STRA6: variants seen among roughly 807,000 people sequenced by gnomAD.
STRA6 encodes the protein signaling receptor and transporter of retinol STRA6, also known as receptor for retinol uptake STRA6.
Under a neutral mutation model 83.6 loss-of-function variants are expected in STRA6, and 48 were observed. The observed-to-expected ratio is 0.57, with a 90% confidence interval of 0.46 to 0.73. The LOEUF is 0.73. STRA6 is among the 30% of genes least tolerant of loss of function. The pLI, the probability that STRA6 is intolerant of heterozygous loss-of-function variation, is 0.00. For missense variants in STRA6, 760 were observed against 838.8 expected (o/e 0.91, Z 1.16); for synonymous variants, 353 against 362.3 (o/e 0.97, Z 0.29).
At chr15:74,192,414 G>A (rs1000556315) in intron 8 of STRA6, among the ~76,000 whole-genome samples, 1 of 152,168 alleles carries the variant, frequency 6.6e-6, no homozygotes, top group Non-Finnish European at 1.5e-5. Flanking sequence ...TGCCACGTGG[G>A]AGCCGAGTCT....
chr15:74,210,236 G>A (rs2074348338), upstream of STRA6, among the ~76,000 whole-genome samples: 1 of 152,178 alleles, frequency 6.6e-6, no homozygotes, highest in Non-Finnish European at 1.5e-5. Context: ...CATATATATG[G>A]AGACAAAATT....
At chr15:74,183,615 A>G (rs2073098555) in intron 14 of STRA6, 2 of 1,374,340 alleles carry the variant, frequency 1.5e-6, no homozygotes, top group East Asian at 5.9e-5. Context: ...GGTGGCACCC[A>G]GGGTTCATCT....
At position 74,191,254 on chromosome 15, in the gene STRA6, A is replaced by G. The variant is rs1376821077; in HGVS notation, c.789-11T>C. Reference sequence around the variant, plus strand: ...TTGGAGGTGTGGTAGCTGCAGAAAGACCCAGGCAGGTGCGGGGTCCTCAGG... The same window carrying G: ...TTGGAGGTGTGGTAGCTGCAGAAAGGCCCAGGCAGGTGCGGGGTCCTCAGG... On this transcript the variant is annotated splice_polypyrimidine_tract_variant and intron_variant, in intron 9 of 18. Transcript: ENST00000395105. The G allele has an allele frequency of 1.9e-6, 3 of 1,613,150 alleles. No homozygotes were observed. Among genetic ancestry groups the G allele is most frequent in the Non-Finnish European group, 2.5e-6 (3 of 1,179,928 alleles).
Position 74,195,430 on chromosome 15 carries a change from G to C in STRA6, c.469C>G (p.Leu157Val), listed in dbSNP as rs760868814. ...KILGLFYYAA[L>V]YYPLAACATA... ...GCACAGGCAGCCAGAGGGTAGTAGAGGGCAGCATAATAGAACAGTCCCAGT... is the reference window on the plus strand; with the variant it reads ...GCACAGGCAGCCAGAGGGTAGTAGACGGCAGCATAATAGAACAGTCCCAGT... Residue 157 changes from leucine (L) to valine (V), a missense_variant, in exon 7 of 19, where the codon CTC (leucine) becomes GTC (valine). Physicochemically the swap from Leu to Val is conservative, Grantham distance 32. Coordinates refer to ENST00000395105, the MANE Select transcript of STRA6 (RefSeq NM_022369.4). 5 of 1,613,710 alleles carry C rather than the reference G, an allele frequency of 3.1e-6. No individual in the cohort carries two copies. In the Admixed American group the frequency reaches 5.0e-5, roughly 16 times the overall value.
rs968266795 is a variant in STRA6, at chr15:74,186,669, G to T, written c.1091-1614C>A. ...GCCTGTAATCCCAGCTACTCGGGAG[G>T]CTGAAATGGGAGAATTGCTTGAACC... is the stretch of plus-strand genomic sequence containing the variant. On this transcript the variant is annotated intron_variant, in intron 12 of 18. Transcript: ENST00000395105. Among the ~76,000 whole-genome samples, 137 of 152,316 alleles carry T rather than the reference G, an allele frequency of 9.0e-4. 1 individual carries two copies. Among genetic ancestry groups the T allele is most frequent in the African/African-American group, 3.2e-3 (131 of 41,566 alleles).
At chr15:74,197,596 C>T in intron 3 of STRA6, 156 bp downstream of exon 3, 1 of 1,180,432 alleles carries the variant, frequency 8.5e-7, no homozygotes, top group Non-Finnish European at 1.2e-6. Context: ...GGACTTGCAT[C>T]CTGGTTTGGG....
intron 11 of STRA6, 67 bp downstream of exon 11, chr15:74,190,773 T>C: frequency 6.2e-7 from 1 of 1,611,508 alleles, no homozygotes; most frequent in East Asian, 2.2e-5. Flanking sequence ...GGGCCGGAAC[T>C]GCTCCAGGCT....
intron 3 of STRA6, 88 bp downstream of exon 3, chr15:74,197,664 C>T: frequency 6.5e-7 from 1 of 1,539,048 alleles, no homozygotes; most frequent in Non-Finnish European, 8.9e-7. Context: ...TCCAGGGCCC[C>T]CCTTCACCAG....
upstream of STRA6, among the ~76,000 whole-genome samples, chr15:74,207,066 G>A (rs351223): frequency 0.46 from 70,706 of 152,088 alleles, 16,847 homozygotes; most frequent in South Asian, 0.63. Context: ...GGCCCATGAA[G>A]GCCTTGGGAC....
At chr15:74,191,806 C>A (rs1216170250) in intron 8 of STRA6, 1 of 465,000 alleles carries the variant, frequency 2.2e-6, no homozygotes, top group African/African-American at 2.0e-5. Flanking sequence ...TTCTTCCCAC[C>A]CCTAGCCCTC....
At chr15:74,190,933 C>T (rs918560875) in intron 10 of STRA6, 32 bp from the exon 11 acceptor site, 2 of 1,613,868 alleles carry the variant, frequency 1.2e-6, no homozygotes, top group Non-Finnish European at 8.5e-7. Flanking sequence ...GTATGGTGAA[C>T]AGCACCACTC....
intron 6 of STRA6, 70 bp downstream of exon 6, chr15:74,195,582 A>G: frequency 6.4e-7 from 1 of 1,560,682 alleles, no homozygotes; most frequent in Non-Finnish European, 8.7e-7. Flanking sequence ...CAGCACGTTC[A>G]GTGGGCAAGA....
At chr15:74,205,117 A>G (rs1038928151), upstream of STRA6, among the ~76,000 whole-genome samples, 3 of 152,168 alleles carry the variant, frequency 2.0e-5, no homozygotes. Context: ...GGGGAAGAGA[A>G]GAGAGACGGG....
chr15:74,182,899 A>T lies in STRA6; in HGVS notation c.1301-439T>A, dbSNP rs181369633. The T allele has an allele frequency of 1.4e-3, 325 of 233,704 alleles. 1 individual carries two copies. The highest frequency in any genetic ancestry group is 6.9e-3 in the African/African-American group (307 of 44,374). 14.5% of individuals were successfully genotyped at this position (233,704 alleles called of 1,614,324 possible). ...AATCTGGCCAACTGATTAGAGAATG[A>T]TGTCTACAAAAGGGCCTGGAGGCAT... On this transcript the variant is annotated intron_variant, in intron 14 of 18. Transcript: ENST00000395105.
At chr15:74,196,718 C>A (rs1473089512) in intron 4 of STRA6, among the ~76,000 whole-genome samples, 1 of 152,176 alleles carries the variant, frequency 6.6e-6, no homozygotes, top group Non-Finnish European at 1.5e-5. Context: ...AGGCTGGTTC[C>A]CCACAAAACC....
upstream of STRA6, among the ~76,000 whole-genome samples, chr15:74,204,776 A>G (rs775439978): frequency 2.0e-5 from 3 of 152,164 alleles, no homozygotes; most frequent in Admixed American, 6.5e-5. Flanking sequence ...TCTACTAAAA[A>G]TACAAAAAAT....
chr15:74,205,066 G>T (rs2074230430), upstream of STRA6, among the ~76,000 whole-genome samples: 1 of 152,234 alleles, frequency 6.6e-6, no homozygotes, highest in African/African-American at 2.4e-5. Context: ...CTGATGTATG[G>T]TAGGGCTTAG....
rs766210607 is a variant in STRA6, at chr15:74,182,468, G to C, written c.1301-8C>G. 6.2e-7 allele frequency: 1 copy of C among 1,602,646 alleles called. No homozygotes were observed. Among genetic ancestry groups the C allele is most frequent in the Non-Finnish European group, 8.5e-7 (1 of 1,174,510 alleles). On this transcript the variant is annotated splice_polypyrimidine_tract_variant and splice_region_variant and intron_variant, in intron 14 of 18. Coordinates refer to ENST00000395105, the MANE Select transcript of STRA6 (RefSeq NM_022369.4). Reference sequence around the variant, plus strand: ...TCTGCTGCACCAGGAGCCCTGCCAGGGGCGGGAGTGGCAGGGGGACAGAAA... The same window carrying C: ...TCTGCTGCACCAGGAGCCCTGCCAGCGGCGGGAGTGGCAGGGGGACAGAAA...
chr15:74,194,152 G>C (rs1041623250), intron 7 of STRA6, among the ~76,000 whole-genome samples: 4 of 146,990 alleles, frequency 2.7e-5, no homozygotes, highest in Non-Finnish European at 4.5e-5. Flanking sequence ...GGATCCCCAC[G>C]GGCCTGAGAG....
Sources: allele counts gnomAD v4.1 joint callset (sites outside exome capture counted in the v4.1 genomes callset), GRCh38; gene constraint gnomAD v4.1.1; transcripts MANE v1.5; gene names NCBI Gene and HGNC (gene_info 2026-07-23, HGNC 2026-07-21).